The following MBOAT7 variants were observed in gnomAD, a reference collection of about 807,000 sequenced individuals.
MBOAT7 encodes membrane bound acylglycerophosphatidylinositol O-acyltransferase MBOAT7.
Under a neutral mutation model 47.4 loss-of-function variants are expected in MBOAT7, and 40 were observed. The ratio of observed to expected loss-of-function variants is 0.84; its 90% CI spans 0.66 to 1.10. MBOAT7 has a LOEUF of 1.10. Ranked by LOEUF, MBOAT7 falls within the 50% of genes least tolerant of loss-of-function variation. The pLI is 0.00. For synonymous variants in MBOAT7, 361 were observed against 292.0 expected, an observed-to-expected ratio of 1.24 and a Z score of -2.41; for missense variants, 680 against 655.6, an observed-to-expected ratio of 1.04 and a Z score of -0.41.
chr19:54,186,685 C>T (rs1356462101), intron 4 of MBOAT7, among the ~76,000 whole-genome samples: 3 of 152,176 alleles, frequency 2.0e-5, no homozygotes, highest in African/African-American at 7.2e-5. Flanking sequence ...CACGGATAAG[C>T]CGCCAGTAGG....
intron 4 of MBOAT7, among the ~76,000 whole-genome samples, chr19:54,183,956 C>G (rs1252004501): frequency 1.2e-4 from 18 of 152,080 alleles, no homozygotes; most frequent in Admixed American, 1.2e-3. Flanking sequence ...GCTACCCCAG[C>G]CCCAGACCTA....
At chr19:54,175,361 A>C (rs1056516311) in intron 7 of MBOAT7, among the ~76,000 whole-genome samples, 1 of 151,932 alleles carries the variant, frequency 6.6e-6, no homozygotes, top group Non-Finnish European at 1.5e-5. Flanking sequence ...CCTTGTCCCC[A>C]CCCCTTTTGC....
intron 7 of MBOAT7, 50 bp from the exon 8 acceptor site, chr19:54,174,481 C>A: frequency 5.5e-6 from 8 of 1,465,376 alleles, no homozygotes; most frequent in Non-Finnish European, 6.3e-6. Flanking sequence ...TCCCCAGTGC[C>A]CACTGCCCCC....
At chr19:54,177,903 T>TTTTTTG (rs2076154375) in intron 7 of MBOAT7, among the ~76,000 whole-genome samples, 1 of 51,830 alleles carries the variant, frequency 1.9e-5, no homozygotes, top group Non-Finnish European at 4.6e-5. Flanking sequence ...TACTTCTGTT[T>TTTTTTG]TTTTTTTTTT....
intron 4 of MBOAT7, among the ~76,000 whole-genome samples, chr19:54,186,293 G>C (rs1458947548): frequency 6.6e-6 from 1 of 152,202 alleles, no homozygotes; most frequent in East Asian, 1.9e-4. Flanking sequence ...GGCATTACAG[G>C]CGTGAGCTAC....
chr19:54,178,742 T>C, intron 7 of MBOAT7, 23 bp downstream of exon 7: 3 of 1,611,000 alleles, frequency 1.9e-6, no homozygotes, highest in Non-Finnish European at 1.7e-6. Context: ...CAGTGTCACC[T>C]GAGACTGGGC....
rs1491180155 is a variant in MBOAT7, at chr19:54,188,023, A to AAGACAGAAAGAC, written c.206+193_206+194insGTCTTTCTGTCT. ...GGAGCGAAACTCCATCTCAGAAAGA[A>AAGACAGAAAGAC]AGAAAGAAAGAAAGAAAGAAAGAAA... On this transcript the variant is annotated intron_variant, in intron 3 of 7. Transcript: ENST00000245615. Among the ~76,000 whole-genome samples, 14 of 91,400 alleles carry AAGACAGAAAGAC rather than the reference A, an allele frequency of 1.5e-4. 1 individual carries two copies. Among genetic ancestry groups the AAGACAGAAAGAC allele is most frequent in the Admixed American group, 5.0e-4 (4 of 7,946 alleles). 60.0% of individuals were successfully genotyped at this position (91,400 alleles called of 152,430 possible).
At chr19:54,186,998 T>G in intron 4 of MBOAT7, 163 bp downstream of exon 4, 5 of 846,028 alleles carry the variant, frequency 5.9e-6, no homozygotes, top group Non-Finnish European at 8.9e-6. Flanking sequence ...CCCAAGGGCA[T>G]GTGAATGGGG....
chr19:54,185,479 A>AT (rs1239777506), intron 4 of MBOAT7, among the ~76,000 whole-genome samples: 1 of 152,026 alleles, frequency 6.6e-6, no homozygotes, highest in African/African-American at 2.4e-5. Flanking sequence ...GCTCTTCTAC[A>AT]TCCTGCCCAA....
intron 5 of MBOAT7, among the ~76,000 whole-genome samples, chr19:54,181,999 GA>G: frequency 7.5e-6 from 1 of 133,058 alleles, no homozygotes; most frequent in African/African-American, 2.9e-5. Flanking sequence ...AGGAGGGAGG[GA>G]GGGAAGGAGG....
chr19:54,183,791 C>G, intron 4 of MBOAT7, 111 bp from the exon 5 acceptor site: 2 of 1,105,492 alleles, frequency 1.8e-6, no homozygotes, highest in Non-Finnish European at 2.5e-6. Context: ...GTGCCCGCAG[C>G]TCTGCCCATC....
In MBOAT7 at chr19:54,180,926, A is replaced by G. The variant is rs1201534538; in HGVS notation, c.701T>C (p.Met234Thr). Residue 234 changes from methionine to threonine, a missense_variant, in exon 6 of 8, where the codon ATG becomes ACG. Transcript: ENST00000245615. This position sits in a 1 kb window ranked among gnomAD's most constrained non-coding sequence, Gnocchi z 5.2. ...ARPLPARLFY[M>T]IPVFFAFRMR... ...GCGGAAGGCGAAGAAGACGGGGATCATGTAGAAGAGGCGGGCGGGCAGCGG... is the reference window on the plus strand; with the variant it reads ...GCGGAAGGCGAAGAAGACGGGGATCGTGTAGAAGAGGCGGGCGGGCAGCGG... 2 of 1,597,722 alleles carry G rather than the reference A, an allele frequency of 1.3e-6. No homozygotes were observed. The highest frequency in any genetic ancestry group is 8.5e-7 in the Non-Finnish European group (1 of 1,173,956).
chr19:54,187,236 G>C lies in MBOAT7; in HGVS notation c.258C>G (p.Phe86Leu). 1.2e-6 allele frequency: 2 copies of C among 1,609,278 alleles called. No homozygotes were observed. The highest frequency in any genetic ancestry group is 1.7e-6 in the Non-Finnish European group (2 of 1,178,268). Residue 86 changes from phenylalanine (F) to leucine (L), a missense_variant, in exon 4 of 8, where the codon TTC (phenylalanine) becomes TTG (leucine). Physicochemically the swap from Phe to Leu is conservative, Grantham distance 22. Transcript: ENST00000245615. ...GCAGGCCCAGGAGGCTGAGGGCTCG[G>C]AAGAACAGGAGATAGGAGAAAGTCC... ...LAWTFSYLLF[F>L]RALSLLGLPT...
At chr19:54,188,134 G>A in intron 3 of MBOAT7, 83 bp downstream of exon 3, 1 of 1,400,114 alleles carries the variant, frequency 7.1e-7, no homozygotes, top group South Asian at 1.4e-5. Context: ...ACATGAGGCA[G>A]AAGCTGAAAA....
intron 7 of MBOAT7, among the ~76,000 whole-genome samples, chr19:54,174,682 A>C (rs1448665534): frequency 7.1e-6 from 1 of 141,020 alleles, no homozygotes; most frequent in Non-Finnish European, 1.6e-5. Flanking sequence ...CAGATCCAGG[A>C]GTCCAGACCC....
At chr19:54,179,194 C>A in intron 6 of MBOAT7, 1 of 569,378 alleles carries the variant, frequency 1.8e-6, no homozygotes, top group Non-Finnish European at 3.1e-6. Flanking sequence ...TAATGGGGCC[C>A]GCCACAGCCA....
intron 4 of MBOAT7, among the ~76,000 whole-genome samples, chr19:54,186,279 T>G (rs2076425463): frequency 6.6e-6 from 1 of 152,216 alleles, no homozygotes; most frequent in African/African-American, 2.4e-5. Flanking sequence ...CCTCCCAAAG[T>G]GCTGGCATTA....
chr19:54,178,632 C>T (rs1445050097), intron 7 of MBOAT7, 133 bp downstream of exon 7: 2 of 1,443,608 alleles, frequency 1.4e-6, no homozygotes, highest in Non-Finnish European at 1.8e-6. Context: ...CAGGGCAAAA[C>T]CAGGCTAAAC....
intron 4 of MBOAT7, among the ~76,000 whole-genome samples, chr19:54,184,340 CTTAAGT>C (rs961636593): frequency 2.0e-5 from 3 of 152,036 alleles, no homozygotes; most frequent in African/African-American, 7.2e-5. Flanking sequence ...CTTGAAATCC[CTTAAGT>C]TTGAGTCTGT....
Sources: allele counts gnomAD v4.1 joint callset (sites outside exome capture counted in the v4.1 genomes callset), GRCh38; gene constraint gnomAD v4.1.1; non-coding constraint Gnocchi (gnomAD v3.1); transcripts MANE v1.5; gene names NCBI Gene and HGNC (gene_info 2026-07-23, HGNC 2026-07-21).